Variants in PCDHA8 observed in about 807,000 individuals in gnomAD.
The protein encoded by PCDHA8 is protocadherin alpha 8, also known as protocadherin alpha-8.
Under a neutral mutation model 61.8 loss-of-function variants are expected in PCDHA8, and 53 were observed. That is an observed-to-expected ratio of 0.86 (90% confidence interval 0.69 to 1.08). PCDHA8 has a LOEUF of 1.08. Ranked by LOEUF, PCDHA8 falls within the 50% of genes least tolerant of loss-of-function variation. The pLI is 0.00. For synonymous variants in PCDHA8, 618 were observed against 556.6 expected (o/e 1.11, Z -1.55); for missense variants, 1,293 against 1,245.0 (o/e 1.04, Z -0.58).
Position 140,895,882 on chromosome 5 carries a change from G to C in PCDHA8, c.2394+52167G>C, listed in dbSNP as rs1014874596. Among the ~76,000 whole-genome samples the C allele has an allele frequency of 5.3e-5, 8 of 152,250 alleles. No individual in the cohort carries two copies. The East Asian group carries it at 9.6e-4, about 18-fold the overall frequency. On this transcript the variant is annotated intron_variant, in intron 1 of 3. Coordinates refer to ENST00000531613, the MANE Select transcript of PCDHA8 (RefSeq NM_018911.3). ...GCTGGAGTGCAATGGCGCGATCTCGGCTCACTGCAACCTCCGCGTCCCGGG... is the reference window on the plus strand; with the variant it reads ...GCTGGAGTGCAATGGCGCGATCTCGCCTCACTGCAACCTCCGCGTCCCGGG...
chr5:140,981,791 C>G (rs564396430), intron 2 of PCDHA8, among the ~76,000 whole-genome samples: 2 of 152,000 alleles, frequency 1.3e-5, no homozygotes, highest in Non-Finnish European at 2.9e-5. Flanking sequence ...GTTCTCTTTT[C>G]CCTTGAACAG....
In PCDHA8 at chr5:140,843,264, T is replaced by C. The variant is rs1188408324; in HGVS notation, c.1943T>C (p.Leu648Pro). ...DEADSPRHRL[L>P]VLVKDHGEPA... is the part of the protein sequence containing the mutation. ...GCGGACTCTCCGCGCCACCGTCTGCTGGTCCTGGTGAAGGATCATGGTGAA... is the reference window on the plus strand; with the variant it reads ...GCGGACTCTCCGCGCCACCGTCTGCCGGTCCTGGTGAAGGATCATGGTGAA... The change falls in exon 1 of 4, where the codon CTG (leucine) becomes CCG (proline). Residue 648 changes from leucine to proline, a missense_variant. Physicochemically the swap from Leu to Pro is moderately conservative, Grantham distance 98 (BLOSUM62 -3). Transcript: ENST00000531613. The C allele has an allele frequency of 6.3e-7, 1 of 1,595,962 alleles. No individual in the cohort carries two copies. The highest frequency in any genetic ancestry group is 1.7e-5 in the Admixed American group (1 of 59,318).
intron 1 of PCDHA8, chr5:140,862,474 T>C (rs1342820666): frequency 2.6e-6 from 1 of 377,454 alleles, no homozygotes. Flanking sequence ...AGCAAATCTA[T>C]CCATTGTTGG....
In PCDHA8 at chr5:140,970,874, G is replaced by A. The variant is rs191123160; in HGVS notation, c.2395-8075G>A. On this transcript the variant is annotated intron_variant, in intron 1 of 3. Coordinates refer to ENST00000531613, the MANE Select transcript of PCDHA8 (RefSeq NM_018911.3). ...AAAGTTCCATTCCTGATTGAGAGTA[G>A]ATTTTTCTCATGGACATTTCAGATA... Among the ~76,000 whole-genome samples the A allele has an allele frequency of 1.6e-4, 24 of 152,250 alleles. No individual in the cohort carries two copies. The East Asian group carries it at 2.7e-3, about 17-fold the overall frequency.
At chr5:140,919,452 A>G (rs1430872710) in intron 1 of PCDHA8, among the ~76,000 whole-genome samples, 4 of 152,182 alleles carry the variant, frequency 2.6e-5, no homozygotes, top group Non-Finnish European at 4.4e-5. Context: ...ATGTATTCAC[A>G]TGATGTTACT....
chr5:140,858,515 C>G lies in PCDHA8; in HGVS notation c.2394+14800C>G, dbSNP rs1554151726. ...TTACCGCATTTTCTCAAATATGTAT[C>G]AGAATATTTCATTTTTGTCTACATT... On this transcript the variant is annotated intron_variant, in intron 1 of 3. Coordinates refer to ENST00000531613, the MANE Select transcript of PCDHA8 (RefSeq NM_018911.3). 2.8e-6 allele frequency: 4 copies of G among 1,415,980 alleles called. 1 individual carries two copies. The African/African-American group carries it at 5.7e-5, about 20-fold the overall frequency. 87.7% of individuals were successfully genotyped at this position (1,415,980 alleles called of 1,614,324 possible).
intron 1 of PCDHA8, among the ~76,000 whole-genome samples, chr5:140,887,231 A>G (rs570148204): frequency 7.0e-4 from 106 of 151,572 alleles, no homozygotes; most frequent in Admixed American, 1.4e-3. Context: ...CGAGTAGCTG[A>G]GACTACCGGC....
chr5:140,841,702 T>C lies in PCDHA8; in HGVS notation c.381T>C (p.Asn127=). 1.2e-6 allele frequency: 2 copies of C among 1,613,896 alleles called. No homozygotes were observed. The highest frequency in any genetic ancestry group is 1.3e-5 in the African/African-American group (1 of 74,978). The change falls in exon 1 of 4, where the codon AAT becomes AAC. Residue 127 remains asparagine (N), a synonymous_variant. Transcript: ENST00000531613. ...FHVDVEVKDV[N]DNPPVFRVKD... is the part of the protein sequence containing the mutation. ...TGGACGTGGAGGTGAAGGATGTTAA[T>C]GACAACCCGCCAGTGTTCCGGGTAA...
Position 140,846,720 on chromosome 5 carries a change from C to A in PCDHA8, c.2394+3005C>A, listed in dbSNP as rs1311468002. 2.7e-5 allele frequency among the ~76,000 whole-genome samples: 4 copies of A among 149,248 alleles called. 1 individual carries two copies. The highest frequency in any genetic ancestry group is 9.8e-5 in the African/African-American group (4 of 40,682). ...AGAGAAGATTGTAATAACCAGTCTT[C>A]ATTAAACATTAAATAGGACCCTTAC... is the stretch of plus-strand genomic sequence containing the variant. On this transcript the variant is annotated intron_variant, in intron 1 of 3. Transcript: ENST00000531613.
chr5:140,927,529 C>G, intron 1 of PCDHA8: 2 of 1,614,098 alleles, frequency 1.2e-6, no homozygotes, highest in South Asian at 1.1e-5. Flanking sequence ...GCTACCTGCC[C>G]GCTCAGGAGA....
intron 1 of PCDHA8, chr5:140,967,112 C>G: frequency 6.2e-7 from 1 of 1,612,994 alleles, no homozygotes; most frequent in Non-Finnish European, 8.5e-7. Context: ...GCAGCGGCCT[C>G]GCTGCCTGCT....
intron 1 of PCDHA8, chr5:140,967,458 A>T (rs1042156831): frequency 6.2e-7 from 1 of 1,613,546 alleles, no homozygotes; most frequent in Non-Finnish European, 8.5e-7. Flanking sequence ...ACAGCCGTGG[A>T]TGGGGGCATC....
intron 1 of PCDHA8, among the ~76,000 whole-genome samples, chr5:140,897,837 C>A: frequency 6.6e-6 from 1 of 152,116 alleles, no homozygotes; most frequent in African/African-American, 2.4e-5. Context: ...TCTCCACATC[C>A]TCTCCAGCAC....
intron 1 of PCDHA8, among the ~76,000 whole-genome samples, chr5:140,977,625 T>A (rs2096768746): frequency 6.6e-6 from 1 of 152,144 alleles, no homozygotes; most frequent in Non-Finnish European, 1.5e-5. Flanking sequence ...ATCCCAGAGT[T>A]GTAACTTTTT....
chr5:140,882,480 A>T, intron 1 of PCDHA8: 1 of 1,614,020 alleles, frequency 6.2e-7, no homozygotes, highest in Non-Finnish European at 8.5e-7. Flanking sequence ...TCCAAAAGAC[A>T]CGGGGACCTT....
intron 1 of PCDHA8, among the ~76,000 whole-genome samples, chr5:140,898,131 T>C (rs371489317): frequency 6.6e-6 from 1 of 152,156 alleles, no homozygotes; most frequent in Non-Finnish European, 1.5e-5. Context: ...TTCTCCCATT[T>C]TGTAGGTTGC....
chr5:140,841,233 G>A lies in PCDHA8; in HGVS notation c.-89G>A, dbSNP rs1777106384. The A allele has an allele frequency of 1.4e-6, 2 of 1,469,626 alleles. No homozygotes were observed. Among genetic ancestry groups the A allele is most frequent in the Admixed American group, 2.3e-5 (1 of 44,248 alleles). The allele number at this position is 1,469,626 out of a possible 1,614,324, so 91.0% of individuals were successfully genotyped here. ...CTCTAAAGGCCGAACAACGGGAGAT[G>A]CAGCGGAATTGGATTAAAAGACTCT... On this transcript the variant is annotated 5_prime_UTR_variant, in exon 1 of 4. The change abolishes an upstream ATG in the 5' untranslated region. Coordinates refer to ENST00000531613, the MANE Select transcript of PCDHA8 (RefSeq NM_018911.3).
intron 1 of PCDHA8, among the ~76,000 whole-genome samples, chr5:140,897,000 T>C (rs2065833068): frequency 6.6e-6 from 1 of 152,180 alleles, no homozygotes; most frequent in Non-Finnish European, 1.5e-5. Context: ...CTTTTAGTTA[T>C]TTTTAAATAT....
chr5:140,842,500 C>T lies in PCDHA8; in HGVS notation c.1179C>T (p.Val393=). 3 of 1,613,834 alleles carry T rather than the reference C, an allele frequency of 1.9e-6. No individual in the cohort carries two copies. The highest frequency in any genetic ancestry group is 1.6e-4 in the Middle Eastern group (1 of 6,062). The change falls in exon 1 of 4, where the codon GTC becomes GTT. Residue 393 remains valine (V), a synonymous_variant. Coordinates refer to ENST00000531613, the MANE Select transcript of PCDHA8 (RefSeq NM_018911.3). ...GQVTCSLMPH[V]PFKLVSTFKN... ...TGACCTGCTCCCTGATGCCCCATGT[C>T]CCCTTCAAGCTGGTGTCCACCTTCA... is the stretch of plus-strand genomic sequence containing the variant.
Sources: allele counts gnomAD v4.1 joint callset (sites outside exome capture counted in the v4.1 genomes callset), GRCh38; gene constraint gnomAD v4.1.1; transcripts MANE v1.5; gene names NCBI Gene and HGNC (gene_info 2026-07-23, HGNC 2026-07-21).